The following ASAP3 variants were observed in gnomAD, a reference collection of about 807,000 sequenced individuals.
The protein encoded by ASAP3 is ArfGAP with SH3 domain, ankyrin repeat and PH domain 3, also known as arf-GAP with SH3 domain, ANK repeat and PH domain-containing protein 3.
ASAP3 carries 85 observed loss-of-function variants against 118.2 expected under a neutral mutation model. The observed-to-expected ratio is 0.72, with a 90% CI of 0.60 to 0.86. The LOEUF (loss-of-function observed/expected upper bound fraction) is 0.86, where lower values mean the gene tolerates loss of function less well. ASAP3 is among the 40% of genes least tolerant of loss of function. The pLI is 0.00. For missense variants in ASAP3, 1,026 were observed against 1,175.0 expected, an observed-to-expected ratio of 0.87 and a Z score of 1.85; for synonymous variants, 432 against 477.4, an observed-to-expected ratio of 0.90 and a Z score of 1.24.
intron 5 of ASAP3, among the ~76,000 whole-genome samples, chr1:23,443,180 A>G (rs1043205464): frequency 6.6e-6 from 1 of 152,214 alleles, no homozygotes; most frequent in African/African-American, 2.4e-5. Flanking sequence ...AGGATTTAAG[A>G]ACACAGGTGC....
intron 3 of ASAP3, 93 bp from the exon 4 acceptor site, chr1:23,452,864 G>C (rs1287732469): frequency 3.2e-6 from 4 of 1,242,364 alleles, no homozygotes; most frequent in Non-Finnish European, 3.5e-6. Context: ...TTGGCAAAGA[G>C]AGCAGCGGGG....
intron 1 of ASAP3, among the ~76,000 whole-genome samples, chr1:23,474,608 T>C (rs487859): frequency 0.88 from 133,661 of 151,794 alleles, 58,955 homozygotes; most frequent in Middle Eastern, 0.94. Flanking sequence ...TTTTGAGACA[T>C]AGTCTTGCCC....
At chr1:23,463,357 A>C (rs1365800093) in intron 1 of ASAP3, among the ~76,000 whole-genome samples, 2 of 89,180 alleles carry the variant, frequency 2.2e-5, no homozygotes, top group Admixed American at 2.6e-4. Flanking sequence ...TAAGCTAAAG[A>C]AATGCAGGTT....
At chr1:23,466,259 G>C (rs1320700605) in intron 1 of ASAP3, among the ~76,000 whole-genome samples, 6 of 152,232 alleles carry the variant, frequency 3.9e-5, no homozygotes, top group Admixed American at 6.5e-5. Flanking sequence ...AAATACTTTA[G>C]GTGCTAGAGA....
chr1:23,481,347 C>A (rs1206852787), intron 1 of ASAP3, among the ~76,000 whole-genome samples: 2 of 152,202 alleles, frequency 1.3e-5, no homozygotes, highest in Non-Finnish European at 2.9e-5. Flanking sequence ...CATTTTGATT[C>A]AGTCAAATAG....
chr1:23,448,235 G>A (rs1641107565), intron 5 of ASAP3, among the ~76,000 whole-genome samples: 1 of 152,142 alleles, frequency 6.6e-6, no homozygotes, highest in African/African-American at 2.4e-5. Flanking sequence ...AGGTACTCCT[G>A]GTGCAGGCAG....
Position 23,444,916 on chromosome 1 carries a change from C to G in ASAP3, c.474-2304G>C, listed in dbSNP as rs186724519. 1.4e-4 allele frequency among the ~76,000 whole-genome samples: 21 copies of G among 151,236 alleles called. No homozygotes were observed. The East Asian group carries it at 3.1e-3, about 22-fold the overall frequency. ...CCACTAGCTGCCAGTAGCATCCCCC[C>G]AGCTGTGACAACCAGAAATGTCTCC... On this transcript the variant is annotated intron_variant, in intron 5 of 24. Transcript: ENST00000336689.
rs567470211 is a variant in ASAP3, at chr1:23,442,401, T to C, written c.585+100A>G. 5.8e-5 allele frequency: 92 copies of C among 1,589,168 alleles called. 2 individuals are homozygous for C. The South Asian group carries it at 1.0e-3, about 18-fold the overall frequency. On this transcript the variant is annotated intron_variant, in intron 6 of 24. Transcript: ENST00000336689. ...GCCTTGGTGACATCCCACAGGGCCA[T>C]GTGGCCAGGACCTGAGCTGAGGCTG...
chr1:23,464,142 C>G (rs1383412094), intron 1 of ASAP3, among the ~76,000 whole-genome samples: 1 of 149,772 alleles, frequency 6.7e-6, no homozygotes, highest in South Asian at 2.1e-4. Flanking sequence ...CAAGACCAGC[C>G]TCGGCAACAA....
At chr1:23,463,469 CAG>C (rs1436349695) in intron 1 of ASAP3, among the ~76,000 whole-genome samples, 1 of 152,092 alleles carries the variant, frequency 6.6e-6, no homozygotes, top group Admixed American at 6.6e-5. Context: ...TGAGGAAAGG[CAG>C]AGGTTTCCAG....
chr1:23,477,677 T>A (rs1307037691), intron 1 of ASAP3, among the ~76,000 whole-genome samples: 1 of 152,190 alleles, frequency 6.6e-6, no homozygotes, highest in African/African-American at 2.4e-5. Flanking sequence ...TGCCACTTAG[T>A]ACAATGAGCA....
In ASAP3 at chr1:23,437,113, C is replaced by CG. The variant is rs1022136354; in HGVS notation, c.1342+16dup. The CG allele has an allele frequency of 6.2e-7, 1 of 1,600,954 alleles. No individual in the cohort carries two copies. Among genetic ancestry groups the CG allele is most frequent in the African/African-American group, 1.3e-5 (1 of 74,786 alleles). On this transcript the variant is annotated intron_variant, in intron 14 of 24. Coordinates refer to ENST00000336689, the MANE Select transcript of ASAP3 (RefSeq NM_017707.4). This position sits in a 1 kb window ranked among gnomAD's most constrained non-coding sequence, Gnocchi z 6.1. ...CTCCACTTAAGCCTCCCTCCTGCCC[C>CG]GGCCCCGGGGACCGACCTGCAGCCC...
chr1:23,439,041 A>AG, intron 11 of ASAP3, 120 bp downstream of exon 11: 1 of 1,327,830 alleles, frequency 7.5e-7, no homozygotes, highest in South Asian at 1.3e-5. Flanking sequence ...ACGGGTCTCC[A>AG]GCTCCCTGGA....
At chr1:23,430,254 C>T (rs763504627) in intron 24 of ASAP3, among the ~76,000 whole-genome samples, 1 of 152,166 alleles carries the variant, frequency 6.6e-6, no homozygotes, top group Non-Finnish European at 1.5e-5. Flanking sequence ...CTAAAGATGA[C>T]GATTCCCCAG....
Position 23,437,117 on chromosome 1 carries a change from CCCGGGGACCGA to C in ASAP3, c.1342+2_1342+12del. The C allele has an allele frequency of 6.2e-7, 1 of 1,601,888 alleles. No individual in the cohort carries two copies. The highest frequency in any genetic ancestry group is 8.5e-7 in the Non-Finnish European group (1 of 1,173,794). ...ACTTAAGCCTCCCTCCTGCCCCGGC[CCCGGGGACCGA>C]CCTGCAGCCCCGCAGTCGCAGCACT... is the stretch of plus-strand genomic sequence containing the variant. On this transcript the variant is annotated splice_donor_variant and splice_donor_5th_base_variant and intron_variant, in intron 14 of 24. Transcript: ENST00000336689. LOFTEE classifies it high-confidence loss of function. This position sits in a 1 kb window ranked among gnomAD's most constrained non-coding sequence, Gnocchi z 6.1.
rs374898730 is a variant in ASAP3 at position 23,438,820 on chromosome 1, C to A, written c.1029G>T (p.Pro343=). 30 of 1,614,046 alleles carry A rather than the reference C, an allele frequency of 1.9e-5. No homozygotes were observed. Among genetic ancestry groups the A allele is most frequent in the Non-Finnish European group, 2.5e-5 (29 of 1,180,026 alleles). ...GGCACGTCAGCAGGGTCAGCTTCAC[C>A]GGGGGCCGGTTTATCTGTGGGAATT... The part of the protein sequence containing the change: ...TISHSTINRP[P]VKLTLLTCQV... Residue 343 remains proline (P), a synonymous_variant, in exon 12 of 25, where the codon CCG becomes CCT. Coordinates refer to ENST00000336689, the MANE Select transcript of ASAP3 (RefSeq NM_017707.4). The surrounding 1 kb of genome is among the most constrained non-coding windows in gnomAD (Gnocchi z 4.9).
chr1:23,447,566 G>A (rs965376339), intron 5 of ASAP3, among the ~76,000 whole-genome samples: 2 of 152,164 alleles, frequency 1.3e-5, no homozygotes, highest in Admixed American at 6.5e-5. Context: ...ATGACACCTA[G>A]TCCTTGGATA....
At chr1:23,461,676 CAA>C (rs112475603) in intron 1 of ASAP3, among the ~76,000 whole-genome samples, 1 of 121,450 alleles carries the variant, frequency 8.2e-6, no homozygotes. Flanking sequence ...CACCCCCCCA[CAA>C]AAAAAAAAAA....
intron 1 of ASAP3, among the ~76,000 whole-genome samples, chr1:23,464,896 T>C (rs1641717619): frequency 6.6e-6 from 1 of 152,108 alleles, no homozygotes; most frequent in African/African-American, 2.4e-5. Flanking sequence ...TGCTAAAGTT[T>C]GGGAATTACT....
Sources: gnomAD v4.1 joint callset for allele counts (sites outside exome capture counted in the v4.1 genomes callset) on GRCh38, gnomAD v4.1.1 for gene constraint, Gnocchi (gnomAD v3.1) non-coding constraint, MANE v1.5 for transcripts, NCBI Gene and HGNC (gene_info 2026-07-23, HGNC 2026-07-21) for gene names.